WWOX: variants seen among roughly 807,000 people sequenced by gnomAD.
The protein encoded by WWOX is WW domain-containing oxidoreductase.
A neutral mutation model predicts 46.2 loss-of-function variants in WWOX; 69 were observed. The ratio of observed to expected loss-of-function variants is 1.49; its 90% CI spans 1.23 to 1.82. WWOX has a LOEUF of 1.82. WWOX is among the 40% of genes most tolerant of loss of function. The pLI is 0.00. For missense variants in WWOX, 919 were observed against 542.6 expected (o/e 1.69, Z -6.89); for synonymous variants, 359 against 202.6 (o/e 1.77, Z -6.56).
chr16:78,403,870 C>CTTCA (rs2082468130), intron 6 of WWOX, among the ~76,000 whole-genome samples: 1 of 152,190 alleles, frequency 6.6e-6, no homozygotes, highest in Non-Finnish European at 1.5e-5. Context: ...TTGAAGGCTG[C>CTTCA]ATGGACCTTC....
intron 8 of WWOX, among the ~76,000 whole-genome samples, chr16:78,466,829 C>T (rs371566458): frequency 1.3e-5 from 2 of 151,984 alleles, no homozygotes; most frequent in East Asian, 3.9e-4. Context: ...GCGTGGGCAA[C>T]AGAGCGAGAC....
chr16:78,474,726 C>A (rs1031043674), intron 8 of WWOX, among the ~76,000 whole-genome samples: 9 of 152,092 alleles, frequency 5.9e-5, no homozygotes, highest in African/African-American at 2.2e-4. Flanking sequence ...TTTTTACCTC[C>A]CATTCTCCAC....
intron 8 of WWOX, among the ~76,000 whole-genome samples, chr16:78,710,868 C>T (rs114369346): frequency 0.011 from 1,663 of 152,114 alleles, 29 homozygotes; most frequent in African/African-American, 0.038. Flanking sequence ...CCTACTCACT[C>T]GGCCTCCCAA....
At chr16:78,363,573 C>G (rs2081461733) in intron 5 of WWOX, among the ~76,000 whole-genome samples, 1 of 152,132 alleles carries the variant, frequency 6.6e-6, no homozygotes, top group Non-Finnish European at 1.5e-5. Context: ...GCCACTGTCC[C>G]AGGCCAGTTT....
chr16:79,024,035 A>G (rs563184227), intron 8 of WWOX, among the ~76,000 whole-genome samples: 17 of 152,320 alleles, frequency 1.1e-4, no homozygotes, highest in Middle Eastern at 3.4e-3. Context: ...CTGTGTATAC[A>G]AAGTACCTAG....
intron 5 of WWOX, among the ~76,000 whole-genome samples, chr16:78,211,219 G>A (rs1597356869): frequency 6.6e-6 from 1 of 152,142 alleles, no homozygotes; most frequent in African/African-American, 2.4e-5. Context: ...ACGAGTCTAG[G>A]GTGGGTGTTA....
chr16:78,604,131 C>A (rs571630838), intron 8 of WWOX, among the ~76,000 whole-genome samples: 1 of 152,068 alleles, frequency 6.6e-6, no homozygotes, highest in Non-Finnish European at 1.5e-5. Context: ...GTGACCGAGA[C>A]CTTGTCTAAA....
chr16:78,843,477 C>G lies in WWOX; in HGVS notation c.1057-368131C>G, dbSNP rs181376393. On this transcript the variant is annotated intron_variant, in intron 8 of 8. Transcript: ENST00000566780. ...GAGATTACTGTCAGCTTTGCCTAAGCTTTGGGCATTAGCACCCTCCATATG... is the reference window on the plus strand; with the variant it reads ...GAGATTACTGTCAGCTTTGCCTAAGGTTTGGGCATTAGCACCCTCCATATG... Among the ~76,000 whole-genome samples, 45 of 150,232 alleles carry G rather than the reference C, an allele frequency of 3.0e-4. 1 individual carries two copies. The highest frequency in any genetic ancestry group is 9.9e-4 in the African/African-American group (41 of 41,386).
intron 8 of WWOX, among the ~76,000 whole-genome samples, chr16:78,440,374 C>A (rs1340127958): frequency 6.6e-6 from 1 of 152,132 alleles, no homozygotes. Context: ...TCCTCCTCCA[C>A]TCTTAATTTC....
intron 8 of WWOX, among the ~76,000 whole-genome samples, chr16:79,039,136 T>C (rs1433921390): frequency 1.3e-5 from 2 of 152,210 alleles, no homozygotes; most frequent in East Asian, 1.9e-4. Flanking sequence ...CTGACTGTTT[T>C]ATTGTAGCTG....
chr16:78,339,769 G>C lies in WWOX; in HGVS notation c.517-47091G>C, dbSNP rs1310118547. On this transcript the variant is annotated intron_variant, in intron 5 of 8. Coordinates refer to ENST00000566780, the MANE Select transcript of WWOX (RefSeq NM_016373.4). ...TTTTGTGGCTTTCTGTGTTGTTCTC[G>C]GGAAGTACAAACCCTTGTGACCGCT... Among the ~76,000 whole-genome samples, 4 of 116,340 alleles carry C rather than the reference G, an allele frequency of 3.4e-5. 2 individuals carry two copies. Among genetic ancestry groups the C allele is most frequent in the African/African-American group, 1.2e-4 (4 of 34,388 alleles). 76.3% of individuals were successfully genotyped at this position (116,340 alleles called of 152,430 possible).
intron 6 of WWOX, among the ~76,000 whole-genome samples, chr16:78,389,539 G>A (rs1311909588): frequency 6.6e-6 from 1 of 152,126 alleles, no homozygotes; most frequent in Admixed American, 6.5e-5. Context: ...GGCCATACGT[G>A]GAAAATATTT....
At chr16:78,542,603 G>A (rs547693458) in intron 8 of WWOX, among the ~76,000 whole-genome samples, 175 of 150,548 alleles carry the variant, frequency 1.2e-3, no homozygotes, top group African/African-American at 4.1e-3. Context: ...GGTTCCTACC[G>A]CACAGATCCA....
chr16:78,952,880 G>C (rs950546326), intron 8 of WWOX, among the ~76,000 whole-genome samples: 14 of 152,192 alleles, frequency 9.2e-5, no homozygotes, highest in African/African-American at 3.4e-4. Flanking sequence ...CAGGCTTGTG[G>C]AATAATTCTA....
chr16:78,458,879 CTTAT>C (rs1490117802), intron 8 of WWOX, among the ~76,000 whole-genome samples: 1 of 151,966 alleles, frequency 6.6e-6, no homozygotes, highest in African/African-American at 2.4e-5. Flanking sequence ...TTAGTATATT[CTTAT>C]TTGGCCTGGG....
intron 8 of WWOX, among the ~76,000 whole-genome samples, chr16:78,962,299 A>G (rs1333768564): frequency 2.1e-5 from 1 of 48,416 alleles, no homozygotes; most frequent in Non-Finnish European, 3.7e-5. Context: ...TCAGCAAGGC[A>G]TCCTTTTTTT....
At chr16:78,848,980 T>A (rs2052370550) in intron 8 of WWOX, among the ~76,000 whole-genome samples, 1 of 152,238 alleles carries the variant, frequency 6.6e-6, no homozygotes, top group Non-Finnish European at 1.5e-5. Context: ...AATCATTTGC[T>A]GCGATGACTC....
At chr16:78,398,171 C>G (rs150497740) in intron 6 of WWOX, among the ~76,000 whole-genome samples, 222 of 152,306 alleles carry the variant, frequency 1.5e-3, no homozygotes, top group African/African-American at 5.1e-3. Flanking sequence ...GCAAACCCAG[C>G]CCTGACACTG....
At chr16:78,816,664 G>A (rs1439544437) in intron 8 of WWOX, among the ~76,000 whole-genome samples, 1 of 151,808 alleles carries the variant, frequency 6.6e-6, no homozygotes, top group Non-Finnish European at 1.5e-5. Context: ...CAACCAAATT[G>A]TAGTACAATG....
Sources: allele counts gnomAD v4.1 joint callset (sites outside exome capture counted in the v4.1 genomes callset), GRCh38; gene constraint gnomAD v4.1.1; transcripts MANE v1.5; gene names NCBI Gene and HGNC (gene_info 2026-07-23, HGNC 2026-07-21).